The following ADAM23 variants were observed in gnomAD, a reference collection of about 807,000 sequenced individuals.
The protein encoded by ADAM23 is disintegrin and metalloproteinase domain-containing protein 23.
In ADAM23, 33 loss-of-function variants were observed where a neutral mutation model predicts 120.1. The observed-to-expected ratio is 0.27, with a 90% CI of 0.21 to 0.37. The LOEUF (loss-of-function observed/expected upper bound fraction) is 0.37, where lower values mean the gene tolerates loss of function less well. ADAM23 is among the 10% of genes least tolerant of loss of function. ADAM23 has a pLI of 1.00. For synonymous variants in ADAM23, 367 were observed against 375.2 expected, an observed-to-expected ratio of 0.98 and a Z score of 0.25; for missense variants, 862 against 1,058.2, an observed-to-expected ratio of 0.81 and a Z score of 2.57.
intron 4 of ADAM23, among the ~76,000 whole-genome samples, chr2:206,536,060 T>G (rs1217702684): frequency 6.6e-6 from 1 of 152,208 alleles, no homozygotes; most frequent in Non-Finnish European, 1.5e-5. Flanking sequence ...CAAGAATCCT[T>G]TAGGATTGGT....
At chr2:206,588,235 A>G (rs1455414811) in intron 20 of ADAM23, 81 bp downstream of exon 20, 1 of 1,424,448 alleles carries the variant, frequency 7.0e-7, no homozygotes, top group African/African-American at 1.4e-5. Flanking sequence ...TTGCTGAGAG[A>G]GATGCACAGC....
At chr2:206,587,580 G>A (rs117434816) in intron 19 of ADAM23, among the ~76,000 whole-genome samples, 15 of 147,660 alleles carry the variant, frequency 1.0e-4, no homozygotes, top group Admixed American at 6.7e-5. Context: ...CAGATTAAGA[G>A]AAAAAAAAAA....
At chr2:206,468,578 TA>T (rs1286531071) in intron 2 of ADAM23, among the ~76,000 whole-genome samples, 1 of 152,166 alleles carries the variant, frequency 6.6e-6, no homozygotes, top group Non-Finnish European at 1.5e-5. Context: ...ACTTTGGTCA[TA>T]ACCATTCAAC....
chr2:206,486,059 A>G (rs1007367660), intron 3 of ADAM23, among the ~76,000 whole-genome samples: 2 of 152,212 alleles, frequency 1.3e-5, no homozygotes, highest in Non-Finnish European at 2.9e-5. Flanking sequence ...ACGAGATCAG[A>G]GAGGAAGCAG....
At position 206,494,878 on chromosome 2, in the gene ADAM23, A is replaced by AT. The variant is rs565316979; in HGVS notation, c.509+13570_509+13571insT. ...ACAAGCCTCAGTAACCAATGCTATC[A>AT]ACTGGAAGAAAGGGTATCAGCGATG... On this transcript the variant is annotated intron_variant, in intron 3 of 25. Coordinates refer to ENST00000264377, the MANE Select transcript of ADAM23 (RefSeq NM_003812.4). 4.3e-3 allele frequency among the ~76,000 whole-genome samples: 661 copies of AT among 152,344 alleles called. 5 individuals carry two copies. The highest frequency in any genetic ancestry group is 0.015 in the African/African-American group (630 of 41,578).
intron 10 of ADAM23, among the ~76,000 whole-genome samples, chr2:206,558,776 A>C (rs563381885): frequency 1.9e-4 from 29 of 152,246 alleles, no homozygotes; most frequent in Non-Finnish European, 3.8e-4. Context: ...GGGTTACCAC[A>C]TAAGGTTCTG....
At chr2:206,611,458 A>C (rs1447655578) in intron 25 of ADAM23, among the ~76,000 whole-genome samples, 1 of 152,220 alleles carries the variant, frequency 6.6e-6, no homozygotes, top group African/African-American at 2.4e-5. Flanking sequence ...CCACTGCTAC[A>C]AAAAAGTCAT....
intron 3 of ADAM23, among the ~76,000 whole-genome samples, chr2:206,506,011 C>T (rs979642119): frequency 1.3e-5 from 2 of 152,138 alleles, no homozygotes; most frequent in Admixed American, 1.3e-4. Flanking sequence ...TGGGAAGGTC[C>T]AGCCCTTTTT....
At chr2:206,616,093 A>G (rs1157698206) in intron 25 of ADAM23, among the ~76,000 whole-genome samples, 1 of 152,242 alleles carries the variant, frequency 6.6e-6, no homozygotes, top group Admixed American at 6.5e-5. Context: ...TCACAAGGTC[A>G]GGCAGTCTCT....
intron 24 of ADAM23, chr2:206,607,941 G>A: frequency 2.5e-6 from 1 of 395,162 alleles, no homozygotes; most frequent in Non-Finnish European, 4.8e-6. Context: ...TGAATTATGT[G>A]TTGATTCTAA....
At chr2:206,582,980 A>G (rs1311010292) in intron 18 of ADAM23, among the ~76,000 whole-genome samples, 1 of 152,120 alleles carries the variant, frequency 6.6e-6, no homozygotes, top group Non-Finnish European at 1.5e-5. Context: ...TCACAGCTCT[A>G]AAGATTCTTT....
At chr2:206,464,344 A>G (rs1438278449) in intron 2 of ADAM23, among the ~76,000 whole-genome samples, 1 of 151,984 alleles carries the variant, frequency 6.6e-6, no homozygotes, top group Admixed American at 6.6e-5. Context: ...GGAGGGCGAG[A>G]CGGGTGGATC....
chr2:206,586,141 T>G (rs1372034783), intron 18 of ADAM23, among the ~76,000 whole-genome samples: 2 of 152,222 alleles, frequency 1.3e-5, no homozygotes, highest in Non-Finnish European at 2.9e-5. Flanking sequence ...GAAAATGATG[T>G]CACAGAGATG....
At chr2:206,563,425 T>G (rs1178047840) in intron 13 of ADAM23, among the ~76,000 whole-genome samples, 1 of 152,222 alleles carries the variant, frequency 6.6e-6, no homozygotes, top group East Asian at 1.9e-4. Flanking sequence ...TCATCACAAG[T>G]GTCTGGTGGC....
At position 206,504,842 on chromosome 2, in the gene ADAM23, C is replaced by T. The variant is rs769234543; in HGVS notation, c.509+23534C>T. On this transcript the variant is annotated intron_variant, in intron 3 of 25. Coordinates refer to ENST00000264377, the MANE Select transcript of ADAM23 (RefSeq NM_003812.4). ...TCCTTTACTAATAGGGACAGTATTG[C>T]CTATAGGGCTCTTATATGTGTAAGC... Among the ~76,000 whole-genome samples, 194 of 152,028 alleles carry T rather than the reference C, an allele frequency of 1.3e-3. 1 individual carries two copies. The highest frequency in any genetic ancestry group is 2.2e-3 in the Non-Finnish European group (150 of 68,004).
At chr2:206,558,222 A>G (rs1300153442) in intron 10 of ADAM23, among the ~76,000 whole-genome samples, 5 of 152,212 alleles carry the variant, frequency 3.3e-5, no homozygotes, top group African/African-American at 1.2e-4. Context: ...ATTTAAGTTG[A>G]CTAGTCAGAA....
At position 206,502,066 on chromosome 2, in the gene ADAM23, A is replaced by G. The variant is rs1696398740; in HGVS notation, c.509+20758A>G. 2.6e-5 allele frequency among the ~76,000 whole-genome samples: 4 copies of G among 152,136 alleles called. 1 individual carries two copies. The South Asian group carries it at 8.3e-4, about 31-fold the overall frequency. On this transcript the variant is annotated intron_variant, in intron 3 of 25. Coordinates refer to ENST00000264377, the MANE Select transcript of ADAM23 (RefSeq NM_003812.4). ...GAAGAATAATGTCAAAAATGCACTA[A>G]CTTCCTTTGCCTTGATTTGGGGAAT...
chr2:206,491,774 A>G (rs1326221094), intron 3 of ADAM23, among the ~76,000 whole-genome samples: 3 of 152,218 alleles, frequency 2.0e-5, no homozygotes, highest in African/African-American at 7.2e-5. Flanking sequence ...CTCTAGAGAT[A>G]TAAATGTTTC....
At chr2:206,507,132 T>A (rs1039816051) in intron 3 of ADAM23, among the ~76,000 whole-genome samples, 1 of 152,194 alleles carries the variant, frequency 6.6e-6, no homozygotes, top group Non-Finnish European at 1.5e-5. Context: ...TAAGAAAGTA[T>A]ATTTAAAATT....
Sources: allele counts gnomAD v4.1 joint callset (sites outside exome capture counted in the v4.1 genomes callset), GRCh38; gene constraint gnomAD v4.1.1; transcripts MANE v1.5; gene names NCBI Gene and HGNC (gene_info 2026-07-23, HGNC 2026-07-21).